Variants in SOX5 observed in about 807,000 individuals in gnomAD.
SOX5 encodes the protein SRY-box transcription factor 5, also known as transcription factor SOX-5.
Under a neutral mutation model 92.0 loss-of-function variants are expected in SOX5, and 9 were observed. That is an observed-to-expected ratio of 0.10 (90% CI 0.06 to 0.17). SOX5 has a LOEUF of 0.17. Ranked by LOEUF, SOX5 falls within the 10% of genes least tolerant of loss-of-function variation. The probability of loss-of-function intolerance (pLI) is 1.00; values close to 1 mark genes in which losing one functional copy is unlikely to be tolerated. For synonymous variants in SOX5, 344 were observed against 336.3 expected (o/e 1.02, Z -0.25); for missense variants, 642 against 944.5 (o/e 0.68, Z 4.20).
chr12:24,107,813 T>G (rs1946857599), intron 4 of SOX5, among the ~76,000 whole-genome samples: 1 of 152,184 alleles, frequency 6.6e-6, no homozygotes, highest in African/African-American at 2.4e-5. Flanking sequence ...ATCTGTTCCT[T>G]AATTAAAACG....
chr12:23,690,924 T>C (rs1214094279), intron 6 of SOX5, among the ~76,000 whole-genome samples: 1 of 152,258 alleles, frequency 6.6e-6, no homozygotes, highest in Non-Finnish European at 1.5e-5. Context: ...CCTTAGCTCC[T>C]GAATCCTGAT....
chr12:24,314,208 A>G (rs1949482063), intron 2 of SOX5, among the ~76,000 whole-genome samples: 1 of 152,094 alleles, frequency 6.6e-6, no homozygotes, highest in Non-Finnish European at 1.5e-5. Flanking sequence ...CTTTTAAATG[A>G]TAACAGTTCT....
intron 11 of SOX5, among the ~76,000 whole-genome samples, chr12:23,551,155 C>T (rs1362832519): frequency 6.6e-6 from 1 of 151,948 alleles, no homozygotes; most frequent in Admixed American, 6.6e-5. Flanking sequence ...GACTCAGTAA[C>T]AGTTAAACCT....
intron 6 of SOX5, among the ~76,000 whole-genome samples, chr12:23,668,380 C>T (rs1348113081): frequency 6.6e-6 from 1 of 152,056 alleles, no homozygotes; most frequent in Admixed American, 6.6e-5. Context: ...CTTTATAGAC[C>T]ATAACACATA....
At chr12:23,830,418 G>T (rs765002759) in intron 3 of SOX5, among the ~76,000 whole-genome samples, 3 of 152,106 alleles carry the variant, frequency 2.0e-5, no homozygotes, top group Non-Finnish European at 4.4e-5. Flanking sequence ...ATTAGGAGTA[G>T]CCTCCAACAG....
intron 3 of SOX5, among the ~76,000 whole-genome samples, chr12:24,248,045 G>A (rs1042226162): frequency 3.9e-5 from 6 of 152,180 alleles, no homozygotes; most frequent in African/African-American, 1.4e-4. Flanking sequence ...TAGAGTCTGG[G>A]TGGAGCCTTT....
rs1555459467 is a variant in SOX5 at position 23,979,913 on chromosome 12, C to CAGACAGA, written c.-1-83890_-1-83889insTCTGTCT. Among the ~76,000 whole-genome samples, 1,042 of 124,142 alleles carry CAGACAGA rather than the reference C, an allele frequency of 8.4e-3. 17 individuals carry two copies. The highest frequency in any genetic ancestry group is 0.029 in the African/African-American group (951 of 32,552). 81.4% of individuals were successfully genotyped at this position (124,142 alleles called of 152,430 possible). A position where few individuals can be genotyped will look rare whatever the true frequency, so the allele number is the denominator to read the frequency against. On this transcript the variant is annotated intron_variant, in intron 4 of 4. Transcript: ENST00000446891. Reference sequence around the variant, plus strand: ...GCTGGCTGGCTGGCTGGCTGGCTGGCCAGACAGACAGACAGACAGACAGAT... The same window carrying CAGACAGA: ...GCTGGCTGGCTGGCTGGCTGGCTGGCAGACAGACAGACAGACAGACAGACAGACAGAT...
chr12:24,044,781 C>T (rs1021028666), intron 4 of SOX5, among the ~76,000 whole-genome samples: 5 of 152,150 alleles, frequency 3.3e-5, no homozygotes, highest in Admixed American at 2.6e-4. Context: ...TTCTATTATC[C>T]ATCATAGTGC....
chr12:23,824,660 G>A (rs1010473616), intron 3 of SOX5, among the ~76,000 whole-genome samples: 2 of 152,198 alleles, frequency 1.3e-5, no homozygotes, highest in African/African-American at 2.4e-5. Flanking sequence ...GGCAGGGAAC[G>A]TTTAAGTCTG....
intron 3 of SOX5, among the ~76,000 whole-genome samples, chr12:24,254,736 T>C (rs1324180581): frequency 6.6e-6 from 1 of 151,688 alleles, no homozygotes; most frequent in Non-Finnish European, 1.5e-5. Flanking sequence ...TATATATATA[T>C]ATTTCCTATG....
At chr12:24,212,784 A>C (rs1368596019) in intron 4 of SOX5, among the ~76,000 whole-genome samples, 1 of 152,188 alleles carries the variant, frequency 6.6e-6, no homozygotes, top group Non-Finnish European at 1.5e-5. Flanking sequence ...TTTACATAGA[A>C]ATTGATTTAA....
chr12:24,327,346 G>A (rs919171975), intron 2 of SOX5, among the ~76,000 whole-genome samples: 2 of 144,170 alleles, frequency 1.4e-5, no homozygotes, highest in African/African-American at 2.6e-5. Flanking sequence ...GATGACGCAG[G>A]TGCACAGAAG....
chr12:23,979,970 T>TAGACAGACAGACAGAC (rs1949411804), intron 4 of SOX5, among the ~76,000 whole-genome samples: 1 of 105,170 alleles, frequency 9.5e-6, no homozygotes, highest in East Asian at 4.4e-4. Flanking sequence ...GACAGATAGA[T>TAGACAGACAGACAGAC]AGACAGATAG....
At chr12:24,212,527 G>C (rs775744396) in intron 4 of SOX5, 1 of 526,610 alleles carries the variant, frequency 1.9e-6, no homozygotes, top group Non-Finnish European at 3.9e-6. Flanking sequence ...GGATTACAAG[G>C]AAGGAGGGGA....
upstream of SOX5, among the ~76,000 whole-genome samples, chr12:23,954,461 AAG>A (rs1491124555): frequency 6.6e-6 from 1 of 151,356 alleles, no homozygotes. Flanking sequence ...TTCAAAAAAA[AAG>A]AAAGAAAGAA....
chr12:24,499,489 T>C (rs1415162569), intron 1 of SOX5, among the ~76,000 whole-genome samples: 3 of 152,228 alleles, frequency 2.0e-5, no homozygotes, highest in Non-Finnish European at 4.4e-5. Context: ...ACCTGGAGCA[T>C]GCTCAGGAAG....
At chr12:24,114,706 G>C (rs908063231) in intron 4 of SOX5, among the ~76,000 whole-genome samples, 12 of 151,698 alleles carry the variant, frequency 7.9e-5, no homozygotes, top group Non-Finnish European at 1.8e-4. Context: ...GGCAGGCCAC[G>C]GTGGGAGAAT....
intron 4 of SOX5, among the ~76,000 whole-genome samples, chr12:24,028,491 T>C (rs983784226): frequency 6.6e-6 from 1 of 152,046 alleles, no homozygotes; most frequent in Non-Finnish European, 1.5e-5. Flanking sequence ...CATAAGGAGA[T>C]GTCGCACCTT....
chr12:23,784,128 A>AG (rs1480267112), intron 3 of SOX5, among the ~76,000 whole-genome samples: 1 of 152,126 alleles, frequency 6.6e-6, no homozygotes, highest in Non-Finnish European at 1.5e-5. Context: ...GGAAAAAAAA[A>AG]GTAACCATGC....
Sources: gnomAD v4.1 joint callset for allele counts (sites outside exome capture counted in the v4.1 genomes callset) on GRCh38, gnomAD v4.1.1 for gene constraint, MANE v1.5 for transcripts, NCBI Gene and HGNC (gene_info 2026-07-23, HGNC 2026-07-21) for gene names.